Variants in TRPC4AP observed in about 807,000 individuals in gnomAD.
The protein encoded by TRPC4AP is transient receptor potential cation channel subfamily C member 4 associated protein.
Under a neutral mutation model 99.0 loss-of-function variants are expected in TRPC4AP, and 45 were observed. The observed-to-expected ratio is 0.45, with a 90% confidence interval of 0.36 to 0.58. TRPC4AP has a LOEUF of 0.58. Among genes scored for constraint, TRPC4AP ranks in the 20% least tolerant of loss-of-function variants. The pLI, the probability that TRPC4AP is intolerant of heterozygous loss-of-function variation, is 0.00. For synonymous variants in TRPC4AP, 408 were observed against 385.8 expected (o/e 1.06, Z -0.67); for missense variants, 879 against 985.3 (o/e 0.89, Z 1.44).
chr20:35,035,409 C>A, intron 7 of TRPC4AP, 101 bp from the exon 8 acceptor site: 1 of 1,213,948 alleles, frequency 8.2e-7, no homozygotes, highest in South Asian at 1.6e-5. Flanking sequence ...ATAATTCTTA[C>A]TCTGATAGTA....
intron 7 of TRPC4AP, among the ~76,000 whole-genome samples, chr20:35,040,216 C>A (rs1005537919): frequency 2.6e-4 from 40 of 151,978 alleles, no homozygotes; most frequent in South Asian, 2.1e-4. Context: ...CTATGGGATG[C>A]CTACATGGCT....
chr20:35,057,494 T>C lies in TRPC4AP; in HGVS notation c.472+20A>G, dbSNP rs149376668. 6.0e-3 allele frequency: 9,680 copies of C among 1,601,382 alleles called. 42 individuals carry two copies. The highest frequency in any genetic ancestry group is 0.015 in the Middle Eastern group (92 of 6,012). On this transcript the variant is annotated intron_variant, in intron 4 of 18. Transcript: ENST00000252015. ...CGGCAGGTTGGAAAACAAGGACCAGTAGCTAATAGGTATACTTACTTTTCA... is the reference window on the plus strand; with the variant it reads ...CGGCAGGTTGGAAAACAAGGACCAGCAGCTAATAGGTATACTTACTTTTCA...
chr20:35,024,213 T>G (rs2082963192), intron 8 of TRPC4AP, among the ~76,000 whole-genome samples: 1 of 152,106 alleles, frequency 6.6e-6, no homozygotes, highest in African/African-American at 2.4e-5. Context: ...ATCGTGATTT[T>G]TAGGACATTC....
intron 3 of TRPC4AP, 134 bp from the exon 4 acceptor site, chr20:35,057,705 G>C: frequency 1.5e-6 from 1 of 652,980 alleles, no homozygotes; most frequent in African/African-American, 1.9e-5. Context: ...AGGCAGTTAA[G>C]GTTCAGTAAG....
chr20:35,040,590 C>A (rs553555197), intron 7 of TRPC4AP, among the ~76,000 whole-genome samples: 1 of 152,070 alleles, frequency 6.6e-6, no homozygotes, highest in African/African-American at 2.4e-5. Context: ...AGCTTGCAGA[C>A]GGCTTATCTT....
intron 1 of TRPC4AP, among the ~76,000 whole-genome samples, chr20:35,082,487 A>C (rs1404764003): frequency 1.3e-5 from 2 of 152,216 alleles, no homozygotes; most frequent in East Asian, 3.8e-4. Context: ...TCAAAGAAGA[A>C]ATCGAAGTGG....
chr20:35,060,870 C>G (rs1168726605), intron 3 of TRPC4AP, among the ~76,000 whole-genome samples: 1 of 151,832 alleles, frequency 6.6e-6, no homozygotes, highest in Non-Finnish European at 1.5e-5. Flanking sequence ...ATTAAAAAAC[C>G]CACAGCTAGC....
chr20:35,092,367 G>A lies in TRPC4AP; in HGVS notation c.168+247C>T, dbSNP rs138371700. ...GGAGGATCCAGAAACTGGGCCCAGG[G>A]TTCGTACACGCCATCAGTGTCCACA... is the stretch of plus-strand genomic sequence containing the variant. On this transcript the variant is annotated intron_variant, in intron 1 of 18. Transcript: ENST00000252015. Among the ~76,000 whole-genome samples, 108 of 152,306 alleles carry A rather than the reference G, an allele frequency of 7.1e-4. 1 individual carries two copies. The highest frequency in any genetic ancestry group is 2.3e-3 in the African/African-American group (95 of 41,570).
rs754721635 is a variant in TRPC4AP, at chr20:35,092,745, C to T, written c.37G>A (p.Gly13Ser). 9.6e-6 allele frequency: 15 copies of T among 1,560,114 alleles called. No individual in the cohort carries two copies. Among genetic ancestry groups the T allele is most frequent in the African/African-American group, 2.8e-5 (2 of 71,108 alleles). The change falls in exon 1 of 19, where the codon GGC (glycine) becomes AGC (serine). Residue 13 changes from glycine (G) to serine (S), a missense_variant. Physicochemically the swap from Gly to Ser is moderately conservative, Grantham distance 56 (BLOSUM62 0). Transcript: ENST00000252015. ...GTGGCTGCCGACCGTCTCCCTCGGC[C>T]GGCTCCAGACCCAGCCGCTACCGGC... is the stretch of plus-strand genomic sequence containing the variant. ...AAPVAAGSGA[G>S]RGRRSAATVA...
At chr20:35,068,846 AAAG>A (rs1237978244) in intron 3 of TRPC4AP, among the ~76,000 whole-genome samples, 5 of 151,884 alleles carry the variant, frequency 3.3e-5, no homozygotes, top group Admixed American at 6.6e-5. Context: ...AAAAAAAAAA[AAAG>A]AAGAAGAAAG....
At chr20:35,068,014 A>G (rs2145987214) in intron 3 of TRPC4AP, among the ~76,000 whole-genome samples, 3 of 152,328 alleles carry the variant, frequency 2.0e-5, no homozygotes, top group Middle Eastern at 3.4e-3. Context: ...TGGTATATGA[A>G]CCATATCTTA....
chr20:35,012,920 C>A, intron 11 of TRPC4AP, 88 bp downstream of exon 11: 1 of 1,400,786 alleles, frequency 7.1e-7, no homozygotes. Context: ...GGCCTCCTCT[C>A]GAGCTGAGGT....
At chr20:35,016,172 C>A in intron 9 of TRPC4AP, 33 bp from the exon 10 acceptor site, 1 of 1,613,240 alleles carries the variant, frequency 6.2e-7, no homozygotes, top group South Asian at 1.1e-5. Context: ...AGTATTAAGA[C>A]AAATGTGCTT....
At chr20:35,071,551 C>T (rs915084304) in intron 2 of TRPC4AP, among the ~76,000 whole-genome samples, 1 of 151,130 alleles carries the variant, frequency 6.6e-6, no homozygotes, top group Non-Finnish European at 1.5e-5. Context: ...CTGTCCTTAA[C>T]GATAGTTTGC....
At chr20:35,051,827 A>G (rs550337345) in intron 5 of TRPC4AP, among the ~76,000 whole-genome samples, 1 of 152,192 alleles carries the variant, frequency 6.6e-6, no homozygotes, top group African/African-American at 2.4e-5. Context: ...TGCTGCTCTA[A>G]CTAGCTACCC....
At chr20:35,071,319 T>A (rs4911464) in intron 2 of TRPC4AP, among the ~76,000 whole-genome samples, 110,348 of 151,952 alleles carry the variant, frequency 0.73, 40,404 homozygotes, top group Middle Eastern at 0.83. Context: ...TCTAGGGTAC[T>A]TGTGCACAAC....
At chr20:35,029,598 ATTTC>A (rs1267418043) in intron 8 of TRPC4AP, among the ~76,000 whole-genome samples, 3 of 66,594 alleles carry the variant, frequency 4.5e-5, no homozygotes, top group Admixed American at 4.3e-4. Flanking sequence ...TCCTTCAATT[ATTTC>A]TTTACTATAT....
chr20:35,060,623 T>C lies in TRPC4AP; in HGVS notation c.415-3052A>G, dbSNP rs146917416. On this transcript the variant is annotated intron_variant, in intron 3 of 18. Coordinates refer to ENST00000252015, the MANE Select transcript of TRPC4AP (RefSeq NM_015638.3). The stretch of plus-strand genomic sequence containing the variant: ...AAAAAAAAAAAAACAAGAAAAGGAT[T>C]ATACACCATGACACTATGACAAAGT... Among the ~76,000 whole-genome samples the C allele has an allele frequency of 3.8e-4, 56 of 146,178 alleles. 1 individual carries two copies. The East Asian group carries it at 0.01, about 26-fold the overall frequency.
chr20:35,060,597 A>G (rs1248486773), intron 3 of TRPC4AP, among the ~76,000 whole-genome samples: 2 of 148,508 alleles, frequency 1.3e-5, no homozygotes, highest in Non-Finnish European at 1.5e-5. Context: ...AAAAAAAAAA[A>G]AAAAAAAAAA....
Sources: gnomAD v4.1 joint callset for allele counts (sites outside exome capture counted in the v4.1 genomes callset) on GRCh38, gnomAD v4.1.1 for gene constraint, MANE v1.5 for transcripts, NCBI Gene and HGNC (gene_info 2026-07-23, HGNC 2026-07-21) for gene names.